Variants in BSDC1 observed in about 807,000 individuals in gnomAD.
BSDC1 encodes the protein BSD domain-containing protein 1.
In BSDC1, 29 loss-of-function variants were observed where a neutral mutation model predicts 56.0. The ratio of observed to expected loss-of-function variants is 0.52; its 90% CI spans 0.39 to 0.71. The LOEUF (loss-of-function observed/expected upper bound fraction) is 0.71, where lower values mean the gene tolerates loss of function less well. BSDC1 is among the 30% of genes least tolerant of loss of function. BSDC1 has a pLI of 0.00. For synonymous variants in BSDC1, 210 were observed against 215.3 expected, an observed-to-expected ratio of 0.98 and a Z score of 0.21; for missense variants, 477 against 548.5, an observed-to-expected ratio of 0.87 and a Z score of 1.30.
intron 3 of BSDC1, 52 bp from the exon 4 acceptor site, chr1:32,384,049 C>G: frequency 1.2e-6 from 2 of 1,611,616 alleles, no homozygotes; most frequent in South Asian, 1.1e-5. Context: ...AGGCTGCAAT[C>G]TGGGGTATGG....
intron 8 of BSDC1, 110 bp downstream of exon 8, chr1:32,377,860 T>C: frequency 1.9e-6 from 2 of 1,027,950 alleles, no homozygotes; most frequent in Non-Finnish European, 1.4e-6. Flanking sequence ...GCTTGTTCCC[T>C]ACTCTTCCCT....
chr1:32,386,182 G>A (rs2148136322), intron 3 of BSDC1, among the ~76,000 whole-genome samples: 1 of 152,234 alleles, frequency 6.6e-6, no homozygotes, highest in South Asian at 2.1e-4. Flanking sequence ...AGCCAGGCGT[G>A]GTGGCGGGCG....
intron 4 of BSDC1, among the ~76,000 whole-genome samples, chr1:32,383,043 C>G (rs1318341094): frequency 1.3e-5 from 2 of 152,162 alleles, no homozygotes; most frequent in South Asian, 2.1e-4. Context: ...ATGCTCTCCA[C>G]AGCGTTCCTT....
intron 2 of BSDC1, among the ~76,000 whole-genome samples, chr1:32,391,180 C>G (rs375867189): frequency 1.3e-5 from 2 of 152,192 alleles, no homozygotes; most frequent in Middle Eastern, 3.4e-3. Flanking sequence ...AGGGAGTGAT[C>G]ACTAGCGTCA....
At chr1:32,371,081 T>C (rs1349154978) in intron 9 of BSDC1, among the ~76,000 whole-genome samples, 1 of 152,148 alleles carries the variant, frequency 6.6e-6, no homozygotes, top group Middle Eastern at 3.4e-3. Context: ...AAAAGATATA[T>C]ATAAAAGTTA....
intron 4 of BSDC1, 129 bp from the exon 5 acceptor site, chr1:32,381,397 C>T (rs2148128425): frequency 1.1e-6 from 1 of 892,700 alleles, no homozygotes; most frequent in Admixed American, 2.1e-5. Context: ...ACCCCCAGGG[C>T]ATCTGTTAAT....
Position 32,367,859 on chromosome 1 carries a change from A to G in BSDC1, c.1260+588T>C, listed in dbSNP as rs371971631. ...ATTACAGCTTATAGCCAGGTCTTAT[A>G]ATGATCAATTCCATGTTTTAGATGA... On this transcript the variant is annotated intron_variant, in intron 10 of 10. Coordinates refer to ENST00000455895, the MANE Select transcript of BSDC1 (RefSeq NM_018045.8). The G allele has an allele frequency of 3.9e-5, 39 of 997,560 alleles. No homozygotes were observed. In the East Asian group the frequency reaches 3.0e-3, roughly 76 times the overall value. The allele number at this position is 997,560 out of a possible 1,614,324, so 61.8% of individuals were successfully genotyped here.
intron 3 of BSDC1, among the ~76,000 whole-genome samples, chr1:32,385,007 A>G (rs1429757643): frequency 6.6e-6 from 1 of 152,232 alleles, no homozygotes; most frequent in African/African-American, 2.4e-5. Flanking sequence ...AGGATTCAGC[A>G]AAATAAGCTT....
In BSDC1 at chr1:32,394,395, C is replaced by G. The variant is rs762153074; in HGVS notation, c.11+9G>C. On this transcript the variant is annotated intron_variant, in intron 1 of 10. Transcript: ENST00000455895. The stretch of plus-strand genomic sequence containing the variant: ...GCCCCAACGCCTAGGAGCAAAACGA[C>G]AAGCTCACCCTTCCGCCATCTTGCC... The G allele has an allele frequency of 3.7e-6, 6 of 1,614,186 alleles. No homozygotes were observed. The South Asian group carries it at 4.4e-5, about 12-fold the overall frequency.
intron 8 of BSDC1, 33 bp downstream of exon 8, chr1:32,377,937 G>A: frequency 6.4e-7 from 1 of 1,570,808 alleles, no homozygotes; most frequent in South Asian, 1.2e-5. Context: ...GCACAGATGT[G>A]ACACTTGCCC....
At chr1:32,394,235 G>C in intron 1 of BSDC1, 95 bp from the exon 2 acceptor site, 1 of 1,561,642 alleles carries the variant, frequency 6.4e-7, no homozygotes, top group Admixed American at 1.8e-5. Flanking sequence ...CCTGCGGGCC[G>C]AGGCTTCGCA....
chr1:32,367,089 TTGG>T, intron 10 of BSDC1: 2 of 988,734 alleles, frequency 2.0e-6, no homozygotes, highest in South Asian at 9.4e-5. Context: ...TACTTAGTCT[TTGG>T]GTGAATGGAG....
intron 2 of BSDC1, among the ~76,000 whole-genome samples, chr1:32,388,274 A>G (rs973892731): frequency 6.6e-6 from 1 of 152,212 alleles, no homozygotes; most frequent in Non-Finnish European, 1.5e-5. Context: ...TCTATCAGCT[A>G]CAGGCTTCTC....
intron 9 of BSDC1, among the ~76,000 whole-genome samples, chr1:32,371,644 T>C (rs1299042573): frequency 1.3e-5 from 2 of 150,654 alleles, no homozygotes; most frequent in Non-Finnish European, 3.0e-5. Context: ...TTAAAAAGAG[T>C]GGGTCCCTGA....
At position 32,390,633 on chromosome 1, in the gene BSDC1, G is replaced by A. The variant is rs571205607; in HGVS notation, c.72+3447C>T. ...CTATCCTCAAACACTAAAGCTGGCC[G>A]GGCATGGTGGCTCATGCCTGTAGTC... On this transcript the variant is annotated intron_variant, in intron 2 of 10. Coordinates refer to ENST00000455895, the MANE Select transcript of BSDC1 (RefSeq NM_018045.8). 1.8e-4 allele frequency among the ~76,000 whole-genome samples: 27 copies of A among 152,250 alleles called. No homozygotes were observed. The South Asian group carries it at 1.9e-3, about 11-fold the overall frequency.
At chr1:32,390,443 G>A (rs1355843676) in intron 2 of BSDC1, among the ~76,000 whole-genome samples, 1 of 152,188 alleles carries the variant, frequency 6.6e-6, no homozygotes, top group Non-Finnish European at 1.5e-5. Context: ...AATCATGGAA[G>A]CACCACAGGC....
At chr1:32,380,373 G>A (rs527506470) in intron 5 of BSDC1, among the ~76,000 whole-genome samples, 8 of 152,286 alleles carry the variant, frequency 5.3e-5, no homozygotes, top group African/African-American at 7.2e-5. Flanking sequence ...GTCCAGGCAC[G>A]GTGGCTCATG....
intron 4 of BSDC1, among the ~76,000 whole-genome samples, chr1:32,382,977 G>A (rs920821263): frequency 2.6e-5 from 4 of 151,432 alleles, no homozygotes; most frequent in African/African-American, 4.9e-5. Context: ...TTACCTATAC[G>A]TGTATTACTA....
Position 32,378,106 on chromosome 1 carries a change from G to A in BSDC1, c.598-58C>T, listed in dbSNP as rs1642360005. 6.3e-7 allele frequency: 1 copy of A among 1,596,068 alleles called. No individual in the cohort carries two copies. The highest frequency in any genetic ancestry group is 1.7e-5 in the Admixed American group (1 of 59,030). On this transcript the variant is annotated intron_variant, in intron 7 of 10. Transcript: ENST00000455895. This position sits in a 1 kb window ranked among gnomAD's most constrained non-coding sequence, Gnocchi z 5.2. Reference sequence around the variant, plus strand: ...TCAGGGCACCCTCTTCCTAGACCCTGGTCCTGATCCCACAACTCTTGGCAC... The same window carrying A: ...TCAGGGCACCCTCTTCCTAGACCCTAGTCCTGATCCCACAACTCTTGGCAC...
Sources: allele counts gnomAD v4.1 joint callset (sites outside exome capture counted in the v4.1 genomes callset), GRCh38; gene constraint gnomAD v4.1.1; non-coding constraint Gnocchi (gnomAD v3.1); transcripts MANE v1.5; gene names NCBI Gene and HGNC (gene_info 2026-07-23, HGNC 2026-07-21).